PLXND1: variants seen among roughly 807,000 people sequenced by gnomAD.
PLXND1 encodes the protein plexin-D1.
In PLXND1, 54 loss-of-function variants were observed where a neutral mutation model predicts 197.7. The observed-to-expected ratio is 0.27, with a 90% CI of 0.22 to 0.34. The LOEUF (loss-of-function observed/expected upper bound fraction) is 0.34, where lower values mean the gene tolerates loss of function less well. Ranked by LOEUF, PLXND1 falls within the 10% of genes least tolerant of loss-of-function variation. The probability of loss-of-function intolerance (pLI) is 1.00; values close to 1 mark genes in which losing one functional copy is unlikely to be tolerated. For synonymous variants in PLXND1, 1,180 were observed against 1,161.2 expected (o/e 1.02, Z -0.33); for missense variants, 2,127 against 2,699.2 (o/e 0.79, Z 4.70).
chr3:129,576,289 T>TC (rs997249654), intron 9 of PLXND1, among the ~76,000 whole-genome samples: 6 of 152,246 alleles, frequency 3.9e-5, no homozygotes, highest in African/African-American at 1.4e-4. Context: ...GCCTGAGCCC[T>TC]CCCCTCGCCT....
intron 2 of PLXND1, among the ~76,000 whole-genome samples, chr3:129,588,078 T>A (rs1028111544): frequency 6.6e-6 from 1 of 152,230 alleles, no homozygotes; most frequent in African/African-American, 2.4e-5. Context: ...GTGTGGCGAT[T>A]TAAGGCCCGA....
rs1179550859 is a variant in PLXND1 at position 129,557,526 on chromosome 3, G to A, written c.5446-303C>T. ...CGGGCATGCCAGCTCTTCACTGCAC[G>A]CAGCCCATTCCACGTAACAAGGATG... On this transcript the variant is annotated intron_variant, in intron 33 of 35. Transcript: ENST00000324093. The surrounding 1 kb of genome is among the most constrained non-coding windows in gnomAD (Gnocchi z 4.8). 6.6e-6 allele frequency among the ~76,000 whole-genome samples: 1 copy of A among 152,120 alleles called. No individual in the cohort carries two copies. The highest frequency in any genetic ancestry group is 1.5e-5 in the Non-Finnish European group (1 of 68,022).
rs2085017344 is a variant in PLXND1, at chr3:129,559,000, G to A, written c.5298-425C>T. Among the ~76,000 whole-genome samples the A allele has an allele frequency of 6.6e-6, 1 of 152,174 alleles. No individual in the cohort carries two copies. Among genetic ancestry groups the A allele is most frequent in the South Asian group, 2.1e-4 (1 of 4,826 alleles). On this transcript the variant is annotated intron_variant, in intron 32 of 35. Coordinates refer to ENST00000324093, the MANE Select transcript of PLXND1 (RefSeq NM_015103.3). The surrounding 1 kb of genome is among the most constrained non-coding windows in gnomAD (Gnocchi z 4.1). ...GGCCTTGTCCTCAAGAGGCCAGAGA[G>A]GGTGAGCAACACCCCCACCCCCACC...
intron 18 of PLXND1, 37 bp downstream of exon 18, chr3:129,571,003 G>C (rs376799276): frequency 6.2e-7 from 1 of 1,612,776 alleles, no homozygotes; most frequent in Admixed American, 1.7e-5. Context: ...AGGCTGGCTC[G>C]CTTGCCCCCG....
rs1472391787 is a variant in PLXND1 at position 129,557,449 on chromosome 3, G to C, written c.5446-226C>G. Among the ~76,000 whole-genome samples, 1 of 150,722 alleles carries C rather than the reference G, an allele frequency of 6.6e-6. No individual in the cohort carries two copies. The highest frequency in any genetic ancestry group is 1.5e-5 in the Non-Finnish European group (1 of 68,028). ...CCGCCTACTTTCCCCAGGACTGTTA[G>C]GACAATGATGTGGGTGGGGAGGGGC... On this transcript the variant is annotated intron_variant, in intron 33 of 35. Coordinates refer to ENST00000324093, the MANE Select transcript of PLXND1 (RefSeq NM_015103.3). This position sits in a 1 kb window ranked among gnomAD's most constrained non-coding sequence, Gnocchi z 4.8.
rs112023993 is a variant in PLXND1, at chr3:129,555,357, C to T, written c.*955G>A. The T allele has an allele frequency of 4.7e-3, 2,826 of 600,624 alleles. 58 individuals carry two copies. In the African/African-American group the frequency reaches 0.049, roughly 10 times the overall value. The allele number at this position is 600,624 out of a possible 1,614,324, so 37.2% of individuals were successfully genotyped here. On this transcript the variant is annotated 3_prime_UTR_variant, in exon 36 of 36. Transcript: ENST00000324093. ...GCATGGCCCATCGGCCACAGAGGGT[C>T]GTTTCTGGCAGGAACGGAGTGGGTG... is the stretch of plus-strand genomic sequence containing the variant.
At chr3:129,562,451 A>G in intron 27 of PLXND1, 1 of 261,762 alleles carries the variant, frequency 3.8e-6, no homozygotes, top group Middle Eastern at 1.3e-3. Context: ...TCGAGGCTGC[A>G]GTGAGCTGAG....
Position 129,588,658 on chromosome 3 carries a change from G to A in PLXND1, c.1488+693C>T, listed in dbSNP as rs546652231. ...AGCAGTTAGGCCGGGCCTGGTGCAT[G>A]AATAGAGTGGTGGCGCTTAGCTTAG... On this transcript the variant is annotated intron_variant, in intron 2 of 35. Transcript: ENST00000324093. Among the ~76,000 whole-genome samples, 6 of 152,380 alleles carry A rather than the reference G, an allele frequency of 3.9e-5. No individual in the cohort carries two copies. In the South Asian group the frequency reaches 6.2e-4, roughly 16 times the overall value.
At position 129,584,448 on chromosome 3, in the gene PLXND1, G is replaced by A. The variant is rs770422685; in HGVS notation, c.1966C>T (p.His656Tyr). ...VARVPGPAFGHQIAYCNLLPR... is the reference protein window; with the variant it reads ...VARVPGPAFGYQIAYCNLLPR... The stretch of plus-strand genomic sequence containing the variant: ...AGGAGGTTGCAGTAGGCAATCTGGT[G>A]ACCAAAGGCAGGGCCTGGGACCCGA... The change falls in exon 6 of 36, where the codon CAC (histidine) becomes TAC (tyrosine). Residue 656 changes from histidine (H) to tyrosine (Y), a missense_variant. His to Tyr is a moderately conservative substitution (Grantham distance 83). Coordinates refer to ENST00000324093, the MANE Select transcript of PLXND1 (RefSeq NM_015103.3). 6.2e-7 allele frequency: 1 copy of A among 1,613,820 alleles called. No individual in the cohort carries two copies. Among genetic ancestry groups the A allele is most frequent in the Admixed American group, 1.7e-5 (1 of 60,016 alleles).
chr3:129,574,241 G>T, intron 12 of PLXND1, 95 bp downstream of exon 12: 1 of 1,173,412 alleles, frequency 8.5e-7, no homozygotes, highest in Non-Finnish European at 1.2e-6. Flanking sequence ...CGGTGTATGT[G>T]CCGTTTGGGT....
At chr3:129,574,610 C>G in intron 11 of PLXND1, 120 bp from the exon 12 acceptor site, 1 of 1,016,462 alleles carries the variant, frequency 9.8e-7, no homozygotes. Flanking sequence ...GGTGCCCCAC[C>G]CAGAGGAAGT....
At position 129,566,002 on chromosome 3, in the gene PLXND1, G is replaced by C. The variant is rs774005275; in HGVS notation, c.4207C>G (p.Arg1403Gly). ...LGEWKIPESC[R>G]PNMEEGISLF... ...CTAATTCCCTCTTCCATGTTGGGCC[G>C]GCAGCTCTCAGGAATCTGTGGAAGC... The change falls in exon 24 of 36, where the codon CGG becomes GGG. Residue 1403 changes from arginine (R) to glycine (G), a missense_variant. Coordinates refer to ENST00000324093, the MANE Select transcript of PLXND1 (RefSeq NM_015103.3). 2 of 1,614,076 alleles carry C rather than the reference G, an allele frequency of 1.2e-6. No individual in the cohort carries two copies. Among genetic ancestry groups the C allele is most frequent in the Admixed American group, 3.3e-5 (2 of 60,022 alleles).
In PLXND1 at chr3:129,556,629, C is replaced by A; in HGVS notation, c.5649G>T (p.Arg1883Ser). ...AMAEIYKYAK[R>S]YRPQIMAALE... Reference sequence around the variant, plus strand: ...CTGGGGCACTCACCTGCGGCCGATACCTCTTGGCGTACTTATAAATCTCTG... The same window carrying A: ...CTGGGGCACTCACCTGCGGCCGATAACTCTTGGCGTACTTATAAATCTCTG... Residue 1883 changes from arginine to serine, a missense_variant, in exon 35 of 36, where the codon AGG becomes AGT. Coordinates refer to ENST00000324093, the MANE Select transcript of PLXND1 (RefSeq NM_015103.3). The A allele has an allele frequency of 6.2e-7, 1 of 1,612,670 alleles. No homozygotes were observed. The highest frequency in any genetic ancestry group is 8.5e-7 in the Non-Finnish European group (1 of 1,178,968).
At chr3:129,596,504 T>C (rs539729718) in intron 1 of PLXND1, among the ~76,000 whole-genome samples, 2 of 152,130 alleles carry the variant, frequency 1.3e-5, no homozygotes, top group African/African-American at 4.8e-5. Context: ...CAGTGTGGGA[T>C]GGGCAGCCAG....
At position 129,575,851 on chromosome 3, in the gene PLXND1, G is replaced by A. The variant is rs371533848; in HGVS notation, c.2351C>T (p.Ala784Val). 3.1e-6 allele frequency: 5 copies of A among 1,606,786 alleles called. No individual in the cohort carries two copies. The highest frequency in any genetic ancestry group is 2.2e-5 in the East Asian group (1 of 44,736). Residue 784 changes from alanine to valine, a missense_variant, in exon 10 of 36, where the codon GCA (alanine) becomes GTA (valine). Around this residue, in one of 6 missense-constraint regions of PLXND1, gnomAD observed 1,095 missense variants for 1,259.8 expected, o/e 0.87. Coordinates refer to ENST00000324093, the MANE Select transcript of PLXND1 (RefSeq NM_015103.3). ...PLANTAFFQG[A>V]ALECSFGLEE... ...CAGCCCAAAACTACACTCCAGGGCT[G>A]CACCCTGTGGGAAACAGGGAGTGGG...
At chr3:129,602,066 G>A (rs1004896415) in intron 1 of PLXND1, among the ~76,000 whole-genome samples, 2 of 152,200 alleles carry the variant, frequency 1.3e-5, no homozygotes, top group East Asian at 1.9e-4. Flanking sequence ...AAAATAATAG[G>A]TAGAAGAATT....
chr3:129,583,419 G>C, intron 8 of PLXND1, 148 bp downstream of exon 8: 1 of 603,180 alleles, frequency 1.7e-6, no homozygotes, highest in South Asian at 2.2e-5. Context: ...TGGGTTAAAC[G>C]CACCGTGGTA....
In PLXND1 at chr3:129,558,265, C is replaced by T. The variant is rs1390622380; in HGVS notation, c.5445+163G>A. Among the ~76,000 whole-genome samples the T allele has an allele frequency of 6.6e-6, 1 of 152,232 alleles. No individual in the cohort carries two copies. The highest frequency in any genetic ancestry group is 1.5e-5 in the Non-Finnish European group (1 of 68,040). Reference sequence around the variant, plus strand: ...TACTGGCTTCTAGGTGTCTCCCTGTCTGAATGAGTCACTCATCCCACATCC... The same window carrying T: ...TACTGGCTTCTAGGTGTCTCCCTGTTTGAATGAGTCACTCATCCCACATCC... On this transcript the variant is annotated intron_variant, in intron 33 of 35. Coordinates refer to ENST00000324093, the MANE Select transcript of PLXND1 (RefSeq NM_015103.3). The surrounding 1 kb of genome is among the most constrained non-coding windows in gnomAD (Gnocchi z 4.1).
At chr3:129,597,398 C>T (rs952648099) in intron 1 of PLXND1, among the ~76,000 whole-genome samples, 1 of 152,194 alleles carries the variant, frequency 6.6e-6, no homozygotes, top group African/African-American at 2.4e-5. Context: ...ACAAAGATAG[C>T]GGGCAGAGGC....
Sources: gnomAD v4.1 joint callset for allele counts (sites outside exome capture counted in the v4.1 genomes callset) on GRCh38, gnomAD v4.1.1 for gene constraint, gnomAD v4.1.1 regional missense constraint, Gnocchi (gnomAD v3.1) non-coding constraint, MANE v1.5 for transcripts, NCBI Gene and HGNC (gene_info 2026-07-23, HGNC 2026-07-21) for gene names.